The following GABRG3 variants were observed in gnomAD, a reference collection of about 807,000 sequenced individuals.
GABRG3 encodes the protein gamma-aminobutyric acid receptor subunit gamma-3.
A neutral mutation model predicts 48.8 loss-of-function variants in GABRG3; 25 were observed. The ratio of observed to expected loss-of-function variants is 0.51; its 90% CI spans 0.37 to 0.72. The LOEUF is 0.72. Among genes scored for constraint, GABRG3 ranks in the 30% least tolerant of loss-of-function variants. The probability of loss-of-function intolerance (pLI) is 0.00; values close to 1 mark genes in which losing one functional copy is unlikely to be tolerated. For synonymous variants in GABRG3, 227 were observed against 217.6 expected, an observed-to-expected ratio of 1.04 and a Z score of -0.38; for missense variants, 394 against 577.9, an observed-to-expected ratio of 0.68 and a Z score of 3.26.
intron 3 of GABRG3, among the ~76,000 whole-genome samples, chr15:27,128,965 C>A (rs1448231037): frequency 1.3e-5 from 2 of 152,076 alleles, no homozygotes; most frequent in Non-Finnish European, 2.9e-5. Flanking sequence ...TTTAAGTTCT[C>A]ACATATTTAG....
chr15:27,134,033 G>T (rs1897965368), intron 3 of GABRG3, among the ~76,000 whole-genome samples: 2 of 152,222 alleles, frequency 1.3e-5, no homozygotes, highest in South Asian at 2.1e-4. Context: ...GATTCTTAAG[G>T]TCTCTCTGTA....
chr15:27,007,296 G>A (rs560337867), intron 2 of GABRG3, among the ~76,000 whole-genome samples: 3 of 152,102 alleles, frequency 2.0e-5, no homozygotes, highest in South Asian at 4.2e-4. Flanking sequence ...GCCCAGGCTG[G>A]TCTCGAACTC....
intron 3 of GABRG3, among the ~76,000 whole-genome samples, chr15:27,079,995 C>T (rs1257434366): frequency 6.6e-6 from 1 of 152,200 alleles, no homozygotes; most frequent in South Asian, 2.1e-4. Flanking sequence ...GGCTAAGCAT[C>T]ATCTCTAGGG....
intron 5 of GABRG3, among the ~76,000 whole-genome samples, chr15:27,415,921 A>G (rs1887927684): frequency 6.6e-6 from 1 of 152,192 alleles, no homozygotes; most frequent in South Asian, 2.1e-4. Flanking sequence ...AGATAAATAC[A>G]TAATTGAGTA....
intron 3 of GABRG3, among the ~76,000 whole-genome samples, chr15:27,308,141 TATACATCCAAAC>T (rs1892759378): frequency 8.3e-6 from 1 of 119,878 alleles, no homozygotes; most frequent in Non-Finnish European, 1.7e-5. Flanking sequence ...CATATATGTT[TATACATCCAAAC>T]ATATATAAAC....
chr15:27,084,132 A>G (rs1340720554), intron 3 of GABRG3, among the ~76,000 whole-genome samples: 1 of 152,188 alleles, frequency 6.6e-6, no homozygotes, highest in Non-Finnish European at 1.5e-5. Flanking sequence ...CACTTTGCTC[A>G]CGCTCCATCC....
Position 27,275,844 on chromosome 15 carries a change from A to G in GABRG3, c.271-50965A>G, listed in dbSNP as rs181281573. On this transcript the variant is annotated intron_variant, in intron 3 of 9. Transcript: ENST00000615808. ...GACTGCAGGTCCGATGGGGAGGCTTATGGCATTATTTAATGGTGAGAGCAA... is the reference window on the plus strand; with the variant it reads ...GACTGCAGGTCCGATGGGGAGGCTTGTGGCATTATTTAATGGTGAGAGCAA... Among the ~76,000 whole-genome samples the G allele has an allele frequency of 5.5e-4, 84 of 152,334 alleles. No homozygotes were observed. The Middle Eastern group carries it at 0.01, about 19-fold the overall frequency.
intron 3 of GABRG3, among the ~76,000 whole-genome samples, chr15:27,214,664 C>T (rs2140436904): frequency 6.6e-6 from 1 of 151,016 alleles, no homozygotes; most frequent in Admixed American, 6.6e-5. Context: ...CAAATTTAGC[C>T]ATAAATCTAA....
Position 27,319,443 on chromosome 15 carries a change from A to G in GABRG3, c.271-7366A>G, listed in dbSNP as rs1413521067. Among the ~76,000 whole-genome samples, 1 of 152,228 alleles carries G rather than the reference A, an allele frequency of 6.6e-6. No homozygotes were observed. Among genetic ancestry groups the G allele is most frequent in the Non-Finnish European group, 1.5e-5 (1 of 68,036 alleles). ...TTATTACCAACACAGGTCACTGCTG[A>G]CCAGCACTGTGGTGGGGCAGTCTCT... is the stretch of plus-strand genomic sequence containing the variant. On this transcript the variant is annotated intron_variant, in intron 3 of 9. Transcript: ENST00000615808. The surrounding 1 kb of genome is among the most constrained non-coding windows in gnomAD (Gnocchi z 4.4).
intron 3 of GABRG3, among the ~76,000 whole-genome samples, chr15:27,118,454 G>A (rs142258234): frequency 3.5e-4 from 54 of 152,278 alleles, no homozygotes; most frequent in African/African-American, 1.3e-3. Flanking sequence ...CAGCACCAGG[G>A]CAGATGACTG....
chr15:27,423,721 C>CTTTTTTTTT (rs542775399), intron 5 of GABRG3, among the ~76,000 whole-genome samples: 18 of 81,788 alleles, frequency 2.2e-4, no homozygotes, highest in East Asian at 3.6e-4. Context: ...TTTTCTTTTC[C>CTTTTTTTTT]TTTTTTTTTT....
At chr15:27,239,386 G>C (rs948854288) in intron 3 of GABRG3, among the ~76,000 whole-genome samples, 38 of 151,948 alleles carry the variant, frequency 2.5e-4, no homozygotes, top group African/African-American at 8.7e-4. Context: ...ATTCTATTTT[G>C]ATTCTGACAA....
At chr15:27,374,344 T>A (rs1895520657) in intron 5 of GABRG3, among the ~76,000 whole-genome samples, 1 of 152,032 alleles carries the variant, frequency 6.6e-6, no homozygotes, top group African/African-American at 2.4e-5. Flanking sequence ...TTGCCCAGGC[T>A]AGTCTCGAAC....
intron 3 of GABRG3, among the ~76,000 whole-genome samples, chr15:27,091,233 A>G (rs931408873): frequency 6.6e-5 from 10 of 152,142 alleles, no homozygotes; most frequent in African/African-American, 2.2e-4. Context: ...TTTGGTATCA[A>G]TTGATCATTT....
chr15:27,331,098 G>A (rs1359992941), intron 5 of GABRG3, among the ~76,000 whole-genome samples: 2 of 152,168 alleles, frequency 1.3e-5, no homozygotes, highest in East Asian at 1.9e-4. Flanking sequence ...AACCTTAAAT[G>A]CAGTGGGGAT....
intron 3 of GABRG3, among the ~76,000 whole-genome samples, chr15:27,182,877 C>T (rs1490579999): frequency 6.6e-6 from 1 of 152,188 alleles, no homozygotes; most frequent in Non-Finnish European, 1.5e-5. Flanking sequence ...AATGGGAAAC[C>T]AGTGTTTACG....
intron 3 of GABRG3, among the ~76,000 whole-genome samples, chr15:27,235,678 G>C (rs959147255): frequency 6.6e-6 from 1 of 152,160 alleles, no homozygotes; most frequent in African/African-American, 2.4e-5. Flanking sequence ...TGACACGTAT[G>C]CCTCCTGTAT....
intron 5 of GABRG3, among the ~76,000 whole-genome samples, chr15:27,425,464 A>AT (rs1450158381): frequency 0.041 from 6,238 of 150,676 alleles, 157 homozygotes; most frequent in Middle Eastern, 0.087. Flanking sequence ...AAAAAAAAAA[A>AT]AATAGGCGTG....
chr15:27,306,978 T>G (rs147074979), intron 3 of GABRG3, among the ~76,000 whole-genome samples: 15,856 of 57,442 alleles, frequency 0.28, 3,859 homozygotes, highest in Non-Finnish European at 0.41. Flanking sequence ...TAAACATATA[T>G]AATATAAACA....
Sources: allele counts gnomAD v4.1 joint callset (sites outside exome capture counted in the v4.1 genomes callset), GRCh38; gene constraint gnomAD v4.1.1; non-coding constraint Gnocchi (gnomAD v3.1); transcripts MANE v1.5; gene names NCBI Gene and HGNC (gene_info 2026-07-23, HGNC 2026-07-21).